TLE1: variants seen among roughly 807,000 people sequenced by gnomAD.
The protein encoded by TLE1 is transducin-like enhancer protein 1.
TLE1 carries 21 observed loss-of-function variants against 89.8 expected under a neutral mutation model. The ratio of observed to expected loss-of-function variants is 0.23; its 90% CI spans 0.17 to 0.34. TLE1 has a LOEUF of 0.34. Ranked by LOEUF, TLE1 falls within the 10% of genes least tolerant of loss-of-function variation. The pLI, the probability that TLE1 is intolerant of heterozygous loss-of-function variation, is 1.00. For missense variants in TLE1, 795 were observed against 1,031.2 expected, an observed-to-expected ratio of 0.77 and a Z score of 3.14; for synonymous variants, 447 against 407.6, an observed-to-expected ratio of 1.10 and a Z score of -1.16.
chr9:81,667,497 G>A (rs1427335371), intron 4 of TLE1, among the ~76,000 whole-genome samples: 1 of 152,060 alleles, frequency 6.6e-6, no homozygotes, highest in Non-Finnish European at 1.5e-5. Context: ...TCTGCACATG[G>A]GCCATGCTAC....
intron 6 of TLE1, among the ~76,000 whole-genome samples, chr9:81,638,389 A>G (rs903701889): frequency 6.6e-6 from 1 of 152,224 alleles, no homozygotes; most frequent in South Asian, 2.1e-4. Context: ...TTAAATGAGT[A>G]GAGGGTCCAA....
At chr9:81,601,927 A>C (rs2131946514) in intron 14 of TLE1, among the ~76,000 whole-genome samples, 1 of 152,320 alleles carries the variant, frequency 6.6e-6, no homozygotes. Flanking sequence ...TCAAGGGACA[A>C]GACTTCGGGA....
At chr9:81,625,169 G>T (rs1825753797) in intron 8 of TLE1, among the ~76,000 whole-genome samples, 1 of 152,134 alleles carries the variant, frequency 6.6e-6, no homozygotes, top group Admixed American at 6.5e-5. Flanking sequence ...GAAGGGACTG[G>T]ACTCTCTCTC....
At chr9:81,627,569 T>C (rs1826057073) in intron 8 of TLE1, among the ~76,000 whole-genome samples, 1 of 151,810 alleles carries the variant, frequency 6.6e-6, no homozygotes, top group Non-Finnish European at 1.5e-5. Flanking sequence ...TTAAGCAGAG[T>C]TTTAAACTTG....
At chr9:81,671,942 G>T (rs958893560) in intron 4 of TLE1, among the ~76,000 whole-genome samples, 2 of 152,146 alleles carry the variant, frequency 1.3e-5, no homozygotes. Flanking sequence ...GGAGCTCATG[G>T]CCCAAGCACT....
intron 11 of TLE1, among the ~76,000 whole-genome samples, chr9:81,615,363 C>T (rs962553898): frequency 5.3e-5 from 8 of 150,204 alleles, no homozygotes; most frequent in Admixed American, 5.3e-4. Flanking sequence ...AAGTTTGAAC[C>T]ATTTGTCAAC....
At chr9:81,682,136 C>G (rs1833713085) in intron 4 of TLE1, among the ~76,000 whole-genome samples, 1 of 151,986 alleles carries the variant, frequency 6.6e-6, no homozygotes, top group Non-Finnish European at 1.5e-5. Context: ...CACCTGTAAT[C>G]CCAGCTACTC....
intron 4 of TLE1, among the ~76,000 whole-genome samples, chr9:81,679,258 G>C (rs1013666894): frequency 6.6e-6 from 1 of 151,680 alleles, no homozygotes; most frequent in Non-Finnish European, 1.5e-5. Flanking sequence ...AAAATATTAC[G>C]GTGACTGGGT....
At chr9:81,684,678 C>T (rs556633123) in intron 4 of TLE1, among the ~76,000 whole-genome samples, 73 of 152,208 alleles carry the variant, frequency 4.8e-4, no homozygotes, top group Non-Finnish European at 9.7e-4. Context: ...ACATATACAT[C>T]AAGTAAGAAT....
Position 81,674,665 on chromosome 9 carries a change from G to A in TLE1, c.234+11011C>T, listed in dbSNP as rs142108700. On this transcript the variant is annotated intron_variant, in intron 4 of 19. Coordinates refer to ENST00000376499, the MANE Select transcript of TLE1 (RefSeq NM_005077.5). ...AAGTATAAGTCAAGTTTCATTGAGGGGTCAGAACAAAGAGAGGAGGACTTT... is the reference window on the plus strand; with the variant it reads ...AAGTATAAGTCAAGTTTCATTGAGGAGTCAGAACAAAGAGAGGAGGACTTT... 3.2e-3 allele frequency among the ~76,000 whole-genome samples: 491 copies of A among 152,274 alleles called. 4 individuals are homozygous for A. Among genetic ancestry groups the A allele is most frequent in the East Asian group, 0.016 (82 of 5,184 alleles).
chr9:81,675,786 C>T (rs1337013469), intron 4 of TLE1, among the ~76,000 whole-genome samples: 2 of 150,268 alleles, frequency 1.3e-5, no homozygotes, highest in African/African-American at 5.0e-5. Context: ...CCACAACCTC[C>T]AACCCCCTGG....
At chr9:81,628,658 A>G (rs1327566301) in intron 8 of TLE1, among the ~76,000 whole-genome samples, 1 of 152,214 alleles carries the variant, frequency 6.6e-6, no homozygotes, top group Non-Finnish European at 1.5e-5. Context: ...GATGTTTGTC[A>G]TAATTATCTC....
At chr9:81,633,949 T>C (rs1827034753) in intron 7 of TLE1, 148 bp downstream of exon 7, 2 of 876,510 alleles carry the variant, frequency 2.3e-6, no homozygotes, top group Non-Finnish European at 3.3e-6. Context: ...GGGTGACCTG[T>C]GTTTCAGTGG....
chr9:81,682,759 T>C (rs1833787567), intron 4 of TLE1, among the ~76,000 whole-genome samples: 1 of 152,208 alleles, frequency 6.6e-6, no homozygotes, highest in South Asian at 2.1e-4. Flanking sequence ...TGAGACATTG[T>C]CTACCTCTAC....
intron 4 of TLE1, among the ~76,000 whole-genome samples, chr9:81,677,707 A>G (rs532091295): frequency 1.0e-3 from 156 of 152,234 alleles, no homozygotes; most frequent in African/African-American, 3.4e-3. Flanking sequence ...ACCCAGTCTC[A>G]TGGTACATGT....
At chr9:81,674,993 G>GA (rs35806718) in intron 4 of TLE1, among the ~76,000 whole-genome samples, 5 of 152,034 alleles carry the variant, frequency 3.3e-5, no homozygotes, top group Admixed American at 1.3e-4. Context: ...CATCTCTACT[G>GA]AAAAAAATCA....
chr9:81,667,127 A>C (rs1831566929), intron 4 of TLE1, among the ~76,000 whole-genome samples: 2 of 151,622 alleles, frequency 1.3e-5, no homozygotes, highest in African/African-American at 2.4e-5. Flanking sequence ...AATATGTAAA[A>C]ATCAGCCGGG....
intron 9 of TLE1, among the ~76,000 whole-genome samples, chr9:81,620,039 T>G (rs1194273106): frequency 6.6e-6 from 1 of 152,150 alleles, no homozygotes; most frequent in African/African-American, 2.4e-5. Context: ...GGCTACTAAA[T>G]TCACAGAGTC....
At chr9:81,687,970 G>A (rs1639292388) in intron 1 of TLE1, among the ~76,000 whole-genome samples, 1 of 152,086 alleles carries the variant, frequency 6.6e-6, no homozygotes. Flanking sequence ...AGAAACCCCA[G>A]CCTTCCCCAG....
Sources: allele counts gnomAD v4.1 joint callset (sites outside exome capture counted in the v4.1 genomes callset), GRCh38; gene constraint gnomAD v4.1.1; transcripts MANE v1.5; gene names NCBI Gene and HGNC (gene_info 2026-07-23, HGNC 2026-07-21).